The following CSMD2 variants were observed in gnomAD, a reference collection of about 807,000 sequenced individuals.
CSMD2 encodes the protein CUB and Sushi multiple domains 2.
In CSMD2, 130 loss-of-function variants were observed where a neutral mutation model predicts 398.5. The observed-to-expected ratio is 0.33, with a 90% confidence interval of 0.28 to 0.38. CSMD2 has a LOEUF of 0.38. Among genes scored for constraint, CSMD2 ranks in the 10% least tolerant of loss-of-function variants. CSMD2 has a pLI of 1.00. For synonymous variants in CSMD2, 1,828 were observed against 1,908.5 expected (o/e 0.96, Z 1.10); for missense variants, 3,829 against 4,764.9 (o/e 0.80, Z 5.78).
At chr1:33,739,711 A>G (rs1285283152) in intron 14 of CSMD2, among the ~76,000 whole-genome samples, 5 of 152,158 alleles carry the variant, frequency 3.3e-5, no homozygotes, top group African/African-American at 1.2e-4. Context: ...TGTCTCCTCA[A>G]TGTCAAATCC....
intron 64 of CSMD2, among the ~76,000 whole-genome samples, chr1:33,531,072 G>A (rs1386195743): frequency 6.6e-6 from 1 of 152,132 alleles, no homozygotes; most frequent in African/African-American, 2.4e-5. Context: ...AATGCACTGT[G>A]TACTTGAAAA....
At chr1:33,997,686 T>G (rs572021717) in intron 3 of CSMD2, among the ~76,000 whole-genome samples, 88 of 152,298 alleles carry the variant, frequency 5.8e-4, no homozygotes, top group Middle Eastern at 3.4e-3. Flanking sequence ...ATCTTTTTTT[T>G]GTGTGCAGCT....
At position 34,163,559 on chromosome 1, in the gene CSMD2, C is replaced by T. The variant is rs1369404264; in HGVS notation, c.187+1352G>A. On this transcript the variant is annotated intron_variant, in intron 1 of 70. Transcript: ENST00000373381. This position sits in a 1 kb window ranked among gnomAD's most constrained non-coding sequence, Gnocchi z 5.4. ...GCCAGAGAGCTCGCCACTCACTGAC[C>T]TGCCAGAGGAGAGGCGCACTTTCCC... Among the ~76,000 whole-genome samples, 1 of 152,206 alleles carries T rather than the reference C, an allele frequency of 6.6e-6. No homozygotes were observed. The highest frequency in any genetic ancestry group is 1.5e-5 in the Non-Finnish European group (1 of 68,036).
rs192873797 is a variant in CSMD2 at position 33,580,029 on chromosome 1, C to T, written c.7387+724G>A. Among the ~76,000 whole-genome samples the T allele has an allele frequency of 2.6e-3, 391 of 152,190 alleles. 4 individuals are homozygous for T. The highest frequency in any genetic ancestry group is 3.4e-3 in the Middle Eastern group (1 of 294). On this transcript the variant is annotated intron_variant, in intron 48 of 70. Coordinates refer to ENST00000373381, the MANE Select transcript of CSMD2 (RefSeq NM_001281956.2). ...GTTCATTGTTTGCCTGGAATGTAGG[C>T]CAAAGGTAGCCAGGGGAAAGAGTGC...
chr1:34,066,133 T>TCA (rs1196067774), intron 2 of CSMD2, among the ~76,000 whole-genome samples: 6 of 152,166 alleles, frequency 3.9e-5, no homozygotes, highest in Non-Finnish European at 8.8e-5. Flanking sequence ...CTGAGAACAC[T>TCA]CAGTGAGATG....
chr1:33,646,985 G>T, intron 28 of CSMD2, 150 bp from the exon 29 acceptor site: 1 of 729,242 alleles, frequency 1.4e-6, no homozygotes. Context: ...CTGGTGGGAA[G>T]GGAGAAGATG....
rs999279841 is a variant in CSMD2, at chr1:33,587,308, C to A, written c.6857-140G>T. ...CATGAGTACTTATCTGTAAACAGGGCAAGTTTAGCCAAGTCCTTTTTGCTT... is the reference window on the plus strand; with the variant it reads ...CATGAGTACTTATCTGTAAACAGGGAAAGTTTAGCCAAGTCCTTTTTGCTT... On this transcript the variant is annotated intron_variant, in intron 44 of 70. Transcript: ENST00000373381. 5.0e-6 allele frequency: 3 copies of A among 599,492 alleles called. No individual in the cohort carries two copies. The African/African-American group carries it at 5.7e-5, about 11-fold the overall frequency. 37.1% of individuals were successfully genotyped at this position (599,492 alleles called of 1,614,324 possible).
At chr1:33,896,379 G>A (rs1289375507) in intron 5 of CSMD2, among the ~76,000 whole-genome samples, 2 of 152,044 alleles carry the variant, frequency 1.3e-5, no homozygotes, top group African/African-American at 2.4e-5. Context: ...TGGAGGCCTC[G>A]GTGAAGCTTG....
chr1:33,949,584 C>A (rs1644942210), intron 3 of CSMD2, among the ~76,000 whole-genome samples: 1 of 152,244 alleles, frequency 6.6e-6, no homozygotes. Flanking sequence ...CCTCTCTGAT[C>A]CTCGCCTCAG....
chr1:33,695,450 G>C (rs1369896315), intron 24 of CSMD2, among the ~76,000 whole-genome samples: 1 of 152,122 alleles, frequency 6.6e-6, no homozygotes, highest in African/African-American at 2.4e-5. Context: ...CAGGTGAAGA[G>C]GTCTACATTC....
At chr1:33,648,912 T>C (rs1220418887) in intron 28 of CSMD2, among the ~76,000 whole-genome samples, 1 of 152,236 alleles carries the variant, frequency 6.6e-6, no homozygotes, top group Non-Finnish European at 1.5e-5. Flanking sequence ...TAAAAAAGAC[T>C]ACATTGACAT....
At position 33,635,090 on chromosome 1, in the gene CSMD2, G is replaced by GA; in HGVS notation, c.5086+123dup. ...GTCAGCACTCGGCCGTCCTTTTGGG[G>GA]AGACTGTTCTGCGATTCCCACAATG... On this transcript the variant is annotated intron_variant, in intron 31 of 70. Coordinates refer to ENST00000373381, the MANE Select transcript of CSMD2 (RefSeq NM_001281956.2). The surrounding 1 kb of genome is among the most constrained non-coding windows in gnomAD (Gnocchi z 5.0). The GA allele has an allele frequency of 1.5e-6, 1 of 647,182 alleles. No homozygotes were observed. Among genetic ancestry groups the GA allele is most frequent in the Admixed American group, 2.3e-5 (1 of 43,020 alleles). The allele number at this position is 647,182 out of a possible 1,614,324, so 40.1% of individuals were successfully genotyped here. A position where few individuals can be genotyped will look rare whatever the true frequency, so the allele number is the denominator to read the frequency against.
chr1:33,843,297 C>A (rs1169455072), intron 6 of CSMD2, among the ~76,000 whole-genome samples: 1 of 152,142 alleles, frequency 6.6e-6, no homozygotes, highest in Non-Finnish European at 1.5e-5. Flanking sequence ...CTTCTGATAC[C>A]CTGTGGTATT....
At chr1:33,545,753 C>T (rs1260800247) in intron 57 of CSMD2, among the ~76,000 whole-genome samples, 1 of 152,192 alleles carries the variant, frequency 6.6e-6, no homozygotes, top group East Asian at 1.9e-4. Context: ...GCACTTGGCA[C>T]ATAGATGCTG....
Position 33,600,712 on chromosome 1 carries a change from A to C in CSMD2, c.6856+153T>G, listed in dbSNP as rs148172920. 3.4e-5 allele frequency: 25 copies of C among 737,874 alleles called. 1 individual carries two copies. The East Asian group carries it at 6.7e-4, about 20-fold the overall frequency. 45.7% of individuals were successfully genotyped at this position (737,874 alleles called of 1,614,324 possible). A position where few individuals can be genotyped will look rare whatever the true frequency, so the allele number is the denominator to read the frequency against. On this transcript the variant is annotated intron_variant, in intron 44 of 70. Transcript: ENST00000373381. ...TGAGAGCTCTCACATAGGCTAATACATTTAATTCTCATAACTCTGAAGACA... is the reference window on the plus strand; with the variant it reads ...TGAGAGCTCTCACATAGGCTAATACCTTTAATTCTCATAACTCTGAAGACA...
chr1:33,960,269 C>T (rs924944769), intron 3 of CSMD2, among the ~76,000 whole-genome samples: 2 of 152,208 alleles, frequency 1.3e-5, no homozygotes, highest in African/African-American at 4.8e-5. Flanking sequence ...ACCACCTCCT[C>T]TGTGCTGGAA....
At chr1:34,154,425 G>A (rs905249832) in intron 1 of CSMD2, among the ~76,000 whole-genome samples, 6 of 152,162 alleles carry the variant, frequency 3.9e-5, no homozygotes, top group Admixed American at 6.5e-5. Context: ...GTCCCAAATG[G>A]GAATGTACAA....
chr1:33,537,305 T>C lies in CSMD2; in HGVS notation c.9805+131A>G. 1.7e-6 allele frequency: 2 copies of C among 1,158,674 alleles called. No individual in the cohort carries two copies. Among genetic ancestry groups the C allele is most frequent in the Non-Finnish European group, 2.5e-6 (2 of 801,606 alleles). 71.8% of individuals were successfully genotyped at this position (1,158,674 alleles called of 1,614,324 possible). Reference sequence around the variant, plus strand: ...CTATTTTACATCCTGCTGCAGAAGCTCAGAGGATGAGATGTTCCCTTTTGC... The same window carrying C: ...CTATTTTACATCCTGCTGCAGAAGCCCAGAGGATGAGATGTTCCCTTTTGC... On this transcript the variant is annotated intron_variant, in intron 61 of 70. Transcript: ENST00000373381. The surrounding 1 kb of genome is among the most constrained non-coding windows in gnomAD (Gnocchi z 4.6).
chr1:34,025,239 AGCAAAAGC>A (rs1220133292), intron 3 of CSMD2, among the ~76,000 whole-genome samples: 1 of 151,194 alleles, frequency 6.6e-6, no homozygotes, highest in African/African-American at 2.4e-5. Flanking sequence ...TTCCATTGGT[AGCAAAAGC>A]ATACCAGGGT....
Sources: gnomAD v4.1 joint callset for allele counts (sites outside exome capture counted in the v4.1 genomes callset) on GRCh38, gnomAD v4.1.1 for gene constraint, Gnocchi (gnomAD v3.1) non-coding constraint, MANE v1.5 for transcripts, NCBI Gene and HGNC (gene_info 2026-07-23, HGNC 2026-07-21) for gene names.